AP5Z1: variants seen among roughly 807,000 people sequenced by gnomAD.
AP5Z1 encodes adaptor related protein complex 5 subunit zeta 1.
AP5Z1 carries 106 observed loss-of-function variants against 83.0 expected under a neutral mutation model. The observed-to-expected ratio is 1.28, with a 90% CI of 1.09 to 1.50. AP5Z1 has a LOEUF of 1.50. Ranked by LOEUF, AP5Z1 falls within the 40% of genes most tolerant of loss-of-function variation. The probability of loss-of-function intolerance (pLI) is 0.00; values close to 1 mark genes in which losing one functional copy is unlikely to be tolerated. For synonymous variants in AP5Z1, 751 were observed against 514.1 expected (o/e 1.46, Z -6.23); for missense variants, 1,565 against 1,094.2 (o/e 1.43, Z -6.07).
intron 12 of AP5Z1, 90 bp downstream of exon 12, chr7:4,788,384 G>A: frequency 1.4e-6 from 2 of 1,414,014 alleles, no homozygotes; most frequent in Non-Finnish European, 9.4e-7. Context: ...GCCCTAGGCT[G>A]AGGCCAGGGT....
At chr7:4,780,590 C>T (rs1300558500) in intron 1 of AP5Z1, among the ~76,000 whole-genome samples, 3 of 152,114 alleles carry the variant, frequency 2.0e-5, no homozygotes, top group African/African-American at 7.2e-5. Flanking sequence ...TGGTGAAACC[C>T]TGTCTTTACT....
In AP5Z1 at chr7:4,785,396, C is replaced by G. The variant is rs535528529; in HGVS notation, c.932-19C>G. ...CTAAGGCTGAGACAGAGCCGGCTGA[C>G]TTTTTCCCCTCCTTCCAGGAGCCCT... is the stretch of plus-strand genomic sequence containing the variant. On this transcript the variant is annotated intron_variant, in intron 7 of 16. Coordinates refer to ENST00000649063, the MANE Select transcript of AP5Z1 (RefSeq NM_014855.3). The G allele has an allele frequency of 8.1e-6, 13 of 1,612,224 alleles. No homozygotes were observed. Among genetic ancestry groups the G allele is most frequent in the Admixed American group, 1.7e-5 (1 of 59,902 alleles).
At chr7:4,785,085 C>T in intron 7 of AP5Z1, 37 bp downstream of exon 7, 1 of 1,557,350 alleles carries the variant, frequency 6.4e-7, no homozygotes, top group Middle Eastern at 1.8e-4. Context: ...CTCCCCAGGG[C>T]TCGACGCACC....
intron 9 of AP5Z1, 77 bp downstream of exon 9, chr7:4,785,761 T>G (rs892193757): frequency 1.9e-4 from 22 of 117,764 alleles, no homozygotes; most frequent in African/African-American, 1.6e-3. Flanking sequence ...TCTTCTTCCC[T>G]TTTTTTTTTT....
At chr7:4,781,541 G>A (rs779120342) in intron 2 of AP5Z1, 27 bp from the exon 3 acceptor site, 7 of 1,598,316 alleles carry the variant, frequency 4.4e-6, no homozygotes, top group African/African-American at 2.7e-5. Flanking sequence ...ACGTGTTACC[G>A]CCCACCACGG....
intron 9 of AP5Z1, 132 bp downstream of exon 9, chr7:4,785,816 A>G (rs1311088854): frequency 7.9e-7 from 1 of 1,262,314 alleles, no homozygotes; most frequent in East Asian, 2.8e-5. Flanking sequence ...TGTGTTGCCC[A>G]GGCTGGTCTG....
At chr7:4,786,480 G>A in intron 10 of AP5Z1, 52 bp downstream of exon 10, 2 of 1,593,760 alleles carry the variant, frequency 1.3e-6, no homozygotes, top group South Asian at 2.2e-5. Flanking sequence ...AAGTCCCTGG[G>A]GCTCCTCCCC....
At chr7:4,790,064 ACCCCCACCCACAGCCCCACACCCAGCCC>A (rs2115126730) in intron 14 of AP5Z1, 135 bp downstream of exon 14, 11 of 1,104,966 alleles carry the variant, frequency 1.0e-5, no homozygotes, top group Non-Finnish European at 1.3e-5. Flanking sequence ...AGACCCTGCC[ACCCCCACCCACAGCCCCACACCCAGCCC>A]CAGGCACTTC....
At chr7:4,788,588 C>G (rs921372085) in intron 12 of AP5Z1, 17 of 495,548 alleles carry the variant, frequency 3.4e-5, no homozygotes, top group Non-Finnish European at 5.3e-5. Context: ...GCCCAGGAAG[C>G]AGGAGGCCTG....
At chr7:4,778,901 G>T (rs1781295197) in intron 1 of AP5Z1, among the ~76,000 whole-genome samples, 1 of 144,992 alleles carries the variant, frequency 6.9e-6, no homozygotes, top group Non-Finnish European at 1.5e-5. Context: ...AAAATTCACT[G>T]GGCTTAGTGT....
In AP5Z1 at chr7:4,777,587, C is replaced by G. The variant is rs189975682; in HGVS notation, c.41+1831C>G. Reference sequence around the variant, plus strand: ...TATCTTTAGTAGAGATGGGATTTCACCACATTGTCCAGGCTGGTCTCGAAT... The same window carrying G: ...TATCTTTAGTAGAGATGGGATTTCAGCACATTGTCCAGGCTGGTCTCGAAT... On this transcript the variant is annotated intron_variant, in intron 1 of 16. Transcript: ENST00000649063. Among the ~76,000 whole-genome samples the G allele has an allele frequency of 8.7e-4, 132 of 152,184 alleles. 2 individuals carry two copies. Among genetic ancestry groups the G allele is most frequent in the African/African-American group, 3.1e-3 (127 of 41,512 alleles).
intron 1 of AP5Z1, among the ~76,000 whole-genome samples, chr7:4,779,152 A>G (rs1389283262): frequency 1.4e-5 from 2 of 143,924 alleles, no homozygotes; most frequent in Non-Finnish European, 3.0e-5. Context: ...TATAACATAT[A>G]TAACAACTAT....
In AP5Z1 at chr7:4,790,935, A is replaced by G. The variant is rs374715807; in HGVS notation, c.2153+48A>G. The G allele has an allele frequency of 1.4e-4, 215 of 1,528,974 alleles. No homozygotes were observed. In the African/African-American group the frequency reaches 2.7e-3, roughly 19 times the overall value. 94.7% of individuals were successfully genotyped at this position (1,528,974 alleles called of 1,614,324 possible). A position where few individuals can be genotyped will look rare whatever the true frequency, so the allele number is the denominator to read the frequency against. On this transcript the variant is annotated intron_variant, in intron 16 of 16. Transcript: ENST00000649063. ...AAGCCTTCTGGCTCCTGGGGAAGAG[A>G]GGTGGCTTCTGAGGTCTTCCCATCC...
chr7:4,788,408 C>A, intron 12 of AP5Z1, 114 bp downstream of exon 12: 1 of 1,296,730 alleles, frequency 7.7e-7, no homozygotes, highest in Non-Finnish European at 1.0e-6. Flanking sequence ...TTGTGTCCCA[C>A]ACAAGGCTGC....
At chr7:4,787,096 C>T (rs1781571832) in intron 10 of AP5Z1, among the ~76,000 whole-genome samples, 1 of 152,056 alleles carries the variant, frequency 6.6e-6, no homozygotes, top group Non-Finnish European at 1.5e-5. Flanking sequence ...TTTGAAGTGT[C>T]TTTTGCAGCC....
chr7:4,785,465 G>C lies in AP5Z1; in HGVS notation c.969+13G>C, dbSNP rs779038735. The C allele has an allele frequency of 2.5e-6, 4 of 1,613,222 alleles. No individual in the cohort carries two copies. The highest frequency in any genetic ancestry group is 3.4e-6 in the Non-Finnish European group (4 of 1,179,460). On this transcript the variant is annotated intron_variant, in intron 8 of 16. Transcript: ENST00000649063. ...CCTGCAGAAAGCTGTAAGTGGCTGG[G>C]GACCAGGGGATGGGAGGCAGCGACT...
chr7:4,790,176 C>T lies in AP5Z1; in HGVS notation c.1805+247C>T, dbSNP rs186613986. On this transcript the variant is annotated intron_variant, in intron 14 of 16. Transcript: ENST00000649063. ...CTCTTCAGGGTTAGCTCAGGTCCCT[C>T]TTCCCCGTCTTGTCCCCTGGGGTCC... The T allele has an allele frequency of 3.7e-5, 56 of 1,532,548 alleles. No individual in the cohort carries two copies. In the Admixed American group the frequency reaches 1.0e-3, roughly 28 times the overall value. 94.9% of individuals were successfully genotyped at this position (1,532,548 alleles called of 1,614,324 possible).
In AP5Z1 at chr7:4,788,952, G is replaced by A. The variant is rs779269348; in HGVS notation, c.1707+1G>A. On this transcript the variant is annotated splice_donor_variant, in intron 13 of 16. Transcript: ENST00000649063. LOFTEE classifies it high-confidence loss of function. ...GGCATTCTTCTCAGCAGTGACCCAG[G>A]TGAGCTCGCTGCCTGGGGCCCCCCA... 3.1e-6 allele frequency: 5 copies of A among 1,610,110 alleles called. No individual in the cohort carries two copies. The South Asian group carries it at 4.4e-5, about 14-fold the overall frequency.
chr7:4,785,685 G>T lies in AP5Z1; in HGVS notation c.1132+1G>T, dbSNP rs765717508. Reference sequence around the variant, plus strand: ...CTCGCCCACTTCTTCCTGAGCCACGGTGAGCCCAGGGTGGGGTGGCGCTGA... The same window carrying T: ...CTCGCCCACTTCTTCCTGAGCCACGTTGAGCCCAGGGTGGGGTGGCGCTGA... On this transcript the variant is annotated splice_donor_variant, in intron 9 of 16. Coordinates refer to ENST00000649063, the MANE Select transcript of AP5Z1 (RefSeq NM_014855.3). LOFTEE classifies it high-confidence loss of function. The T allele has an allele frequency of 5.2e-6, 8 of 1,527,452 alleles. No individual in the cohort carries two copies. Among genetic ancestry groups the T allele is most frequent in the Non-Finnish European group, 7.0e-6 (8 of 1,135,804 alleles). The allele number at this position is 1,527,452 out of a possible 1,614,324, so 94.6% of individuals were successfully genotyped here.
Sources: gnomAD v4.1 joint callset for allele counts (sites outside exome capture counted in the v4.1 genomes callset) on GRCh38, gnomAD v4.1.1 for gene constraint, MANE v1.5 for transcripts, NCBI Gene and HGNC (gene_info 2026-07-23, HGNC 2026-07-21) for gene names.